ARHGAP26: variants seen among roughly 807,000 people sequenced by gnomAD.
ARHGAP26 encodes the protein Rho GTPase activating protein 26, also known as rho GTPase-activating protein 26.
Under a neutral mutation model 104.8 loss-of-function variants are expected in ARHGAP26, and 38 were observed. The ratio of observed to expected loss-of-function variants is 0.36; its 90% confidence interval spans 0.28 to 0.48. ARHGAP26 has a LOEUF of 0.48. Ranked by LOEUF, ARHGAP26 falls within the 20% of genes least tolerant of loss-of-function variation. ARHGAP26 has a pLI of 0.99. For synonymous variants in ARHGAP26, 341 were observed against 340.0 expected (o/e 1.00, Z -0.03); for missense variants, 704 against 947.9 (o/e 0.74, Z 3.38).
At chr5:142,987,993 A>T (rs245723) in intron 11 of ARHGAP26, among the ~76,000 whole-genome samples, 33,699 of 152,054 alleles carry the variant, frequency 0.22, 4,077 homozygotes, top group East Asian at 0.47. Context: ...TGGTATCAGG[A>T]TGATGCTGGC....
At chr5:143,213,888 C>CGAGAG (rs1809910873) in intron 21 of ARHGAP26, 109 bp from the exon 22 acceptor site, 2 of 625,850 alleles carry the variant, frequency 3.2e-6, no homozygotes, top group Non-Finnish European at 5.3e-6. Flanking sequence ...GCACTTCCCA[C>CGAGAG]GAGAGGGGAC....
At chr5:142,874,860 C>G in intron 2 of ARHGAP26, 2 of 474,560 alleles carry the variant, frequency 4.2e-6, no homozygotes, top group Non-Finnish European at 3.8e-6. Flanking sequence ...TGGATACTCT[C>G]AGGAACAGGC....
chr5:143,090,986 C>G (rs1791340038), intron 17 of ARHGAP26, among the ~76,000 whole-genome samples: 1 of 152,070 alleles, frequency 6.6e-6, no homozygotes, highest in Non-Finnish European at 1.5e-5. Context: ...TATAACAAGA[C>G]AAGCATTAAA....
chr5:143,141,179 G>A (rs1003673498), intron 19 of ARHGAP26, among the ~76,000 whole-genome samples: 9 of 152,338 alleles, frequency 5.9e-5, no homozygotes, highest in Admixed American at 3.3e-4. Context: ...TGAAAACCAC[G>A]TTGATAATGT....
chr5:142,948,562 C>T lies in ARHGAP26; in HGVS notation c.1107+16437C>T, dbSNP rs1052024469. ...AGTGTGACCACCAGCATCCCTGTGG[C>T]CATGCTGAAGAAGCTACTTATTGAT... On this transcript the variant is annotated intron_variant, in intron 11 of 22. Transcript: ENST00000645722. 2.6e-5 allele frequency among the ~76,000 whole-genome samples: 4 copies of T among 151,776 alleles called. 1 individual carries two copies. Among genetic ancestry groups the T allele is most frequent in the Non-Finnish European group, 5.9e-5 (4 of 67,998 alleles).
intron 22 of ARHGAP26, among the ~76,000 whole-genome samples, chr5:143,215,740 C>T (rs1281971648): frequency 6.6e-6 from 1 of 152,212 alleles, no homozygotes; most frequent in Non-Finnish European, 1.5e-5. Flanking sequence ...ATCTTTGAAA[C>T]TGGATTCTTT....
At chr5:142,864,777 C>T (rs1009772587) in intron 1 of ARHGAP26, among the ~76,000 whole-genome samples, 1 of 152,208 alleles carries the variant, frequency 6.6e-6, no homozygotes, top group African/African-American at 2.4e-5. Flanking sequence ...CACAACAGCC[C>T]TGTGAGGTAC....
At chr5:142,899,682 C>T (rs1430728706) in intron 6 of ARHGAP26, among the ~76,000 whole-genome samples, 1 of 151,864 alleles carries the variant, frequency 6.6e-6, no homozygotes, top group Non-Finnish European at 1.5e-5. Context: ...TCATTTCCCA[C>T]TTTGTAATAC....
rs1554167353 is a variant in ARHGAP26, at chr5:142,949,232, GGA to G, written c.1107+17131_1107+17132del. On this transcript the variant is annotated intron_variant, in intron 11 of 22. Transcript: ENST00000645722. ...GAGAGAGAGAGAGAGGAGAGAGAGA[GGA>G]GAGAGAGAGAGAGAGAGAGAGAGTT... Among the ~76,000 whole-genome samples the G allele has an allele frequency of 7.0e-4, 19 of 27,316 alleles. 1 individual carries two copies. The highest frequency in any genetic ancestry group is 2.1e-3 in the African/African-American group (7 of 3,258). The allele number at this position is 27,316 out of a possible 152,430, so 17.9% of individuals were successfully genotyped here.
chr5:143,041,923 C>G, intron 14 of ARHGAP26, 33 bp downstream of exon 14: 1 of 1,554,682 alleles, frequency 6.4e-7, no homozygotes, highest in Non-Finnish European at 8.7e-7. Context: ...TAGGCAGGTC[C>G]CTGGATGGGG....
In ARHGAP26 at chr5:143,201,300, T is replaced by C. The variant is rs191466737; in HGVS notation, c.1989-5898T>C. On this transcript the variant is annotated intron_variant, in intron 20 of 22. Coordinates refer to ENST00000645722, the MANE Select transcript of ARHGAP26 (RefSeq NM_001135608.3). ...CTGGGCATTCAGCTTAATACACCCATCTGGACTCTGAGGGTTGTAGGAATG... is the reference window on the plus strand; with the variant it reads ...CTGGGCATTCAGCTTAATACACCCACCTGGACTCTGAGGGTTGTAGGAATG... Among the ~76,000 whole-genome samples, 15 of 152,298 alleles carry C rather than the reference T, an allele frequency of 9.8e-5. No individual in the cohort carries two copies. In the East Asian group the frequency reaches 2.7e-3, roughly 27 times the overall value.
chr5:143,193,163 C>G (rs1806194098), intron 20 of ARHGAP26, among the ~76,000 whole-genome samples: 1 of 151,876 alleles, frequency 6.6e-6, no homozygotes, highest in African/African-American at 2.4e-5. Flanking sequence ...ACTGTGGACA[C>G]TGGCCACCCT....
rs1246118645 is a variant in ARHGAP26, at chr5:143,226,114, T to G, written c.*3668T>G. On this transcript the variant is annotated 3_prime_UTR_variant, in exon 23 of 23. Coordinates refer to ENST00000645722, the MANE Select transcript of ARHGAP26 (RefSeq NM_001135608.3). ...GTAAGACCCAGGGATCACTTAGCCA[T>G]AGCCTGAATCTTTTAGGGGTATTAA... The G allele has an allele frequency of 5.0e-6, 1 of 200,964 alleles. No individual in the cohort carries two copies. Among genetic ancestry groups the G allele is most frequent in the South Asian group, 1.9e-4 (1 of 5,272 alleles). 12.4% of individuals were successfully genotyped at this position (200,964 alleles called of 1,614,324 possible).
At chr5:142,771,820 C>T (rs1356025253) in intron 1 of ARHGAP26, among the ~76,000 whole-genome samples, 1 of 152,182 alleles carries the variant, frequency 6.6e-6, no homozygotes, top group Non-Finnish European at 1.5e-5. Flanking sequence ...ATTTTGCATT[C>T]TGCTTCACTT....
At chr5:142,956,147 T>C (rs1287116543) in intron 11 of ARHGAP26, among the ~76,000 whole-genome samples, 1 of 152,190 alleles carries the variant, frequency 6.6e-6, no homozygotes, top group Non-Finnish European at 1.5e-5. Flanking sequence ...GAAGTTATGA[T>C]TAATCAAAAA....
intron 1 of ARHGAP26, among the ~76,000 whole-genome samples, chr5:142,823,773 G>T (rs1405510768): frequency 6.6e-6 from 1 of 152,138 alleles, no homozygotes; most frequent in Non-Finnish European, 1.5e-5. Context: ...GGCAATAATT[G>T]CTTTTGACAG....
intron 1 of ARHGAP26, among the ~76,000 whole-genome samples, chr5:142,779,134 A>G (rs775909279): frequency 6.6e-6 from 1 of 152,124 alleles, no homozygotes; most frequent in Non-Finnish European, 1.5e-5. Context: ...AGGCTCAGGG[A>G]CTAGGAAGGA....
intron 17 of ARHGAP26, among the ~76,000 whole-genome samples, chr5:143,082,175 C>T (rs1300195790): frequency 6.6e-6 from 1 of 152,110 alleles, no homozygotes; most frequent in African/African-American, 2.4e-5. Context: ...GTTGCTGGCT[C>T]TTAGCATAGT....
chr5:142,955,128 C>A (rs1033152525), intron 11 of ARHGAP26, among the ~76,000 whole-genome samples: 71 of 92,792 alleles, frequency 7.7e-4, no homozygotes, highest in South Asian at 1.0e-3. Context: ...ACACACACCC[C>A]CCATCTCTGC....
Sources: allele counts gnomAD v4.1 joint callset (sites outside exome capture counted in the v4.1 genomes callset), GRCh38; gene constraint gnomAD v4.1.1; transcripts MANE v1.5; gene names NCBI Gene and HGNC (gene_info 2026-07-23, HGNC 2026-07-21).